The following DGKA variants were observed in gnomAD, a reference collection of about 807,000 sequenced individuals.
The protein encoded by DGKA is diacylglycerol kinase alpha.
A neutral mutation model predicts 105.0 loss-of-function variants in DGKA; 35 were observed. That is an observed-to-expected ratio of 0.33 (90% CI 0.25 to 0.44). The LOEUF is 0.44. Ranked by LOEUF, DGKA falls within the 20% of genes least tolerant of loss-of-function variation. DGKA has a pLI of 1.00. For synonymous variants in DGKA, 296 were observed against 332.0 expected (o/e 0.89, Z 1.18); for missense variants, 665 against 915.0 (o/e 0.73, Z 3.53).
upstream of DGKA, chr12:55,927,681 C>G (rs1188488157): frequency 3.6e-5 from 55 of 1,537,090 alleles, no homozygotes; most frequent in Non-Finnish European, 8.7e-6. Flanking sequence ...ACCAGAGACC[C>G]GCGGGAGGGG....
chr12:55,938,226 C>A (rs1463997825), intron 5 of DGKA, 174 bp downstream of exon 5: 10 of 686,530 alleles, frequency 1.5e-5, no homozygotes, highest in Non-Finnish European at 2.5e-5. Flanking sequence ...TACCTAATAC[C>A]CTTCACCATA....
Position 55,953,000 on chromosome 12 carries a change from C to T in DGKA, c.1943-40C>T, listed in dbSNP as rs1419614823. On this transcript the variant is annotated intron_variant, in intron 21 of 23. Transcript: ENST00000331886. This position sits in a 1 kb window ranked among gnomAD's most constrained non-coding sequence, Gnocchi z 5.1. ...GAAAGTGTGACTCCCTATGGGGATA[C>T]CCTGTTTATGTAAAACTTTACTCCC... 1.2e-6 allele frequency: 2 copies of T among 1,613,976 alleles called. No homozygotes were observed. Among genetic ancestry groups the T allele is most frequent in the Admixed American group, 1.7e-5 (1 of 59,990 alleles).
intron 17 of DGKA, 30 bp downstream of exon 17, chr12:55,942,293 G>A (rs1172867622): frequency 6.2e-7 from 1 of 1,606,068 alleles, no homozygotes. Flanking sequence ...TTTGCTGTAG[G>A]CTGAGAGGAG....
At chr12:55,927,569 G>A (rs1883218259), upstream of DGKA, 2 of 956,116 alleles carry the variant, frequency 2.1e-6, no homozygotes, top group South Asian at 1.6e-5. Flanking sequence ...ACGCACTGGG[G>A]CGCACAAGTG....
At chr12:55,941,655 C>T (rs748178278) in intron 15 of DGKA, 71 bp downstream of exon 15, 287 of 1,480,068 alleles carry the variant, frequency 1.9e-4, no homozygotes, top group Non-Finnish European at 2.5e-4. Flanking sequence ...TAGGAGAGTG[C>T]AGGAAAGAGT....
intron 1 of DGKA, chr12:55,935,992 A>ACTGCC (rs1321299300): frequency 1.0e-6 from 1 of 989,398 alleles, no homozygotes; most frequent in Non-Finnish European, 1.2e-6. Context: ...AACTGCCGGA[A>ACTGCC]CTGCCGAAGA....
At chr12:55,943,048 A>G (rs1886336699) in intron 17 of DGKA, among the ~76,000 whole-genome samples, 1 of 152,204 alleles carries the variant, frequency 6.6e-6, no homozygotes, top group Admixed American at 6.5e-5. Flanking sequence ...CTAGTTGAGC[A>G]GAGTCCAGAT....
intron 17 of DGKA, among the ~76,000 whole-genome samples, chr12:55,949,202 A>T (rs984183493): frequency 1.4e-5 from 2 of 145,538 alleles, no homozygotes; most frequent in African/African-American, 5.0e-5. Context: ...ATAAACAGAC[A>T]TTTTTTTTTT....
At position 55,941,872 on chromosome 12, in the gene DGKA, C is replaced by T. The variant is rs1176260150; in HGVS notation, c.1251-126C>T. The T allele has an allele frequency of 1.1e-5, 11 of 1,042,158 alleles. No homozygotes were observed. In the Admixed American group the frequency reaches 1.3e-4, roughly 13 times the overall value. 64.6% of individuals were successfully genotyped at this position (1,042,158 alleles called of 1,614,324 possible). ...CTTTTCTGTGACCTTCATAGAAACT[C>T]AAGTCTTTTGACAAAAAGGAGGAGG... On this transcript the variant is annotated intron_variant, in intron 15 of 23. Coordinates refer to ENST00000331886, the MANE Select transcript of DGKA (RefSeq NM_001345.5).
intron 17 of DGKA, among the ~76,000 whole-genome samples, chr12:55,948,429 T>G (rs954081477): frequency 6.6e-6 from 1 of 151,234 alleles, no homozygotes; most frequent in Non-Finnish European, 1.5e-5. Context: ...ATTTTCTTTT[T>G]AAAAAACTAT....
chr12:55,938,438 C>T (rs1396091045), intron 5 of DGKA, 73 bp from the exon 6 acceptor site: 2 of 1,577,038 alleles, frequency 1.3e-6, no homozygotes, highest in Admixed American at 1.7e-5. Context: ...CTCTTTGTTT[C>T]CCCCATATTC....
chr12:55,944,515 C>T (rs1229374287), intron 17 of DGKA, among the ~76,000 whole-genome samples: 1 of 152,004 alleles, frequency 6.6e-6, no homozygotes, highest in South Asian at 2.1e-4. Context: ...TCATAAGGTT[C>T]GAAGAGGGGG....
Position 55,940,392 on chromosome 12 carries a change from C to T in DGKA, c.877C>T (p.His293Tyr). 6.2e-7 allele frequency: 1 copy of T among 1,614,234 alleles called. No homozygotes were observed. The highest frequency in any genetic ancestry group is 1.3e-5 in the African/African-American group (1 of 75,062). ...CTGTCAGAAAAAGATCCGGATCTACCACAGTCTGACCGGGCTGCATTGTGT... is the reference window on the plus strand; with the variant it reads ...CTGTCAGAAAAAGATCCGGATCTACTACAGTCTGACCGGGCTGCATTGTGT... The part of the protein sequence containing the change: ...DRCQKKIRIY[H>Y]SLTGLHCVWC... Residue 293 changes from histidine (H) to tyrosine (Y), a missense_variant, in exon 11 of 24, where the codon CAC becomes TAC. Around this residue, in one of 3 missense-constraint regions of DGKA, gnomAD observed 504 missense variants for 681.2 expected, o/e 0.74. Transcript: ENST00000331886. This position sits in a 1 kb window ranked among gnomAD's most constrained non-coding sequence, Gnocchi z 4.3.
chr12:55,940,834 C>A lies in DGKA; in HGVS notation c.1018-63C>A, dbSNP rs73336395. 8.7e-4 allele frequency: 1,390 copies of A among 1,597,146 alleles called. 9 individuals carry two copies. In the African/African-American group the frequency reaches 0.016, roughly 18 times the overall value. On this transcript the variant is annotated intron_variant, in intron 12 of 23. Transcript: ENST00000331886. The surrounding 1 kb of genome is among the most constrained non-coding windows in gnomAD (Gnocchi z 4.3). The stretch of plus-strand genomic sequence containing the variant: ...CATACTTTTAGGATTCAAGTCAGAC[C>A]CCTCTATTTAGGGATTCATGCACAA...
chr12:55,927,508 GCAC>G, upstream of DGKA: 1 of 689,582 alleles, frequency 1.5e-6, no homozygotes, highest in Non-Finnish European at 2.5e-6. Flanking sequence ...GCTCTGGCCT[GCAC>G]CCAGATCTCA....
chr12:55,953,887 C>A lies in DGKA; in HGVS notation c.*119C>A. On this transcript the variant is annotated 3_prime_UTR_variant, in exon 24 of 24. Coordinates refer to ENST00000331886, the MANE Select transcript of DGKA (RefSeq NM_001345.5). Reference sequence around the variant, plus strand: ...CTGCCAGCTTGGGGGAGTGTTCCTTCACCCTCACAGTATTTATTATCCTGC... The same window carrying A: ...CTGCCAGCTTGGGGGAGTGTTCCTTAACCCTCACAGTATTTATTATCCTGC... 1.2e-6 allele frequency: 1 copy of A among 858,488 alleles called. No individual in the cohort carries two copies. Among genetic ancestry groups the A allele is most frequent in the Non-Finnish European group, 1.9e-6 (1 of 532,984 alleles). 53.2% of individuals were successfully genotyped at this position (858,488 alleles called of 1,614,324 possible). A position where few individuals can be genotyped will look rare whatever the true frequency, so the allele number is the denominator to read the frequency against.
At chr12:55,947,781 T>C (rs1180248990) in intron 17 of DGKA, among the ~76,000 whole-genome samples, 1 of 152,052 alleles carries the variant, frequency 6.6e-6, no homozygotes, top group Non-Finnish European at 1.5e-5. Context: ...AATATGAACA[T>C]TTTTATTTTA....
chr12:55,949,635 G>A (rs1382329832), intron 17 of DGKA, among the ~76,000 whole-genome samples: 3 of 152,134 alleles, frequency 2.0e-5, no homozygotes, highest in Non-Finnish European at 4.4e-5. Context: ...TTAGCATTTG[G>A]TTTTCTGAAT....
chr12:55,940,551 C>G lies in DGKA; in HGVS notation c.919-73C>G. Reference sequence around the variant, plus strand: ...TTGCCCCTGCTCCCAAGGGCTCTTTCCAGCCCAGACTGCCAGGTTGAGAGG... The same window carrying G: ...TTGCCCCTGCTCCCAAGGGCTCTTTGCAGCCCAGACTGCCAGGTTGAGAGG... On this transcript the variant is annotated intron_variant, in intron 11 of 23. Coordinates refer to ENST00000331886, the MANE Select transcript of DGKA (RefSeq NM_001345.5). The surrounding 1 kb of genome is among the most constrained non-coding windows in gnomAD (Gnocchi z 4.3). 1.3e-6 allele frequency: 2 copies of G among 1,561,498 alleles called. No homozygotes were observed. Among genetic ancestry groups the G allele is most frequent in the South Asian group, 2.4e-5 (2 of 82,340 alleles).
Sources: gnomAD v4.1 joint callset for allele counts (sites outside exome capture counted in the v4.1 genomes callset) on GRCh38, gnomAD v4.1.1 for gene constraint, gnomAD v4.1.1 regional missense constraint, Gnocchi (gnomAD v3.1) non-coding constraint, MANE v1.5 for transcripts, NCBI Gene and HGNC (gene_info 2026-07-23, HGNC 2026-07-21) for gene names.